The following CALD1 variants were observed in gnomAD, a reference collection of about 807,000 sequenced individuals.
CALD1 encodes caldesmon.
In CALD1, 33 loss-of-function variants were observed where a neutral mutation model predicts 99.9. The ratio of observed to expected loss-of-function variants is 0.33; its 90% confidence interval spans 0.25 to 0.44. CALD1 has a LOEUF of 0.44. CALD1 is among the 20% of genes least tolerant of loss of function. CALD1 has a pLI of 1.00. For synonymous variants in CALD1, 310 were observed against 325.0 expected (o/e 0.95, Z 0.50); for missense variants, 861 against 962.1 (o/e 0.89, Z 1.39).
At chr7:134,721,231 A>T in the CALD1 span, among the ~76,000 whole-genome samples, 1 of 151,438 alleles carries the variant, frequency 6.6e-6, no homozygotes, top group African/African-American at 2.4e-5. Context: ...TGGGAATAGG[A>T]TATTTTCAAG....
At chr7:134,809,703 T>A (rs891668151) in intron 1 of CALD1, 19 of 152,190 alleles carry the variant, frequency 1.2e-4, no homozygotes, top group Admixed American at 7.2e-4. Context: ...AAAAGAGAGG[T>A]TTAGGGTAGT....
intron 3 of CALD1, among the ~76,000 whole-genome samples, chr7:134,868,757 A>T (rs1800922915): frequency 6.6e-6 from 1 of 152,236 alleles, no homozygotes. Context: ...GCTGGCATTC[A>T]TGAACTGACT....
At chr7:134,935,621 G>A in intron 5 of CALD1, 67 bp from the exon 6 acceptor site, 2 of 1,540,198 alleles carry the variant, frequency 1.3e-6, no homozygotes, top group Non-Finnish European at 1.7e-6. Context: ...CGAGCACCCT[G>A]TCACTCTTGT....
At chr7:134,759,112 A>G (rs1261513120) in intron 1 of CALD1, among the ~76,000 whole-genome samples, 2 of 152,192 alleles carry the variant, frequency 1.3e-5, no homozygotes, top group Non-Finnish European at 2.9e-5. Flanking sequence ...CATGACCATC[A>G]CGTTTATAAA....
At position 134,968,620 on chromosome 7, in the gene CALD1, A is replaced by T. The variant is rs1469721881; in HGVS notation, c.*275A>T. On this transcript the variant is annotated 3_prime_UTR_variant, in exon 15 of 15. Transcript: ENST00000361675. ...TTTCTACTGATCATCATAACTCTGT[A>T]TCTGAGCAGTGATACCAACCACATC... The T allele has an allele frequency of 1.2e-5, 8 of 660,398 alleles. No individual in the cohort carries two copies. Among genetic ancestry groups the T allele is most frequent in the Non-Finnish European group, 1.7e-5 (6 of 358,030 alleles). The allele number at this position is 660,398 out of a possible 1,614,324, so 40.9% of individuals were successfully genotyped here. A position where few individuals can be genotyped will look rare whatever the true frequency, so the allele number is the denominator to read the frequency against.
chr7:134,937,789 A>T (rs568448130), intron 6 of CALD1, among the ~76,000 whole-genome samples: 1 of 152,342 alleles, frequency 6.6e-6, no homozygotes, highest in East Asian at 1.9e-4. Flanking sequence ...CCAATGTCTT[A>T]AAAAACACAC....
At chr7:134,938,136 A>G (rs1206366242) in intron 6 of CALD1, among the ~76,000 whole-genome samples, 2 of 152,232 alleles carry the variant, frequency 1.3e-5, no homozygotes, top group African/African-American at 2.4e-5. Context: ...TTGCAGTAGT[A>G]GCGAGGAGTC....
intron 1 of CALD1, among the ~76,000 whole-genome samples, chr7:134,839,089 C>T (rs1337099987): frequency 1.3e-5 from 2 of 152,154 alleles, no homozygotes; most frequent in African/African-American, 4.8e-5. Flanking sequence ...TCATGCCTTC[C>T]CCCACCCAGC....
intron 1 of CALD1, among the ~76,000 whole-genome samples, chr7:134,840,634 G>A (rs1431050327): frequency 6.6e-6 from 1 of 152,164 alleles, no homozygotes; most frequent in East Asian, 1.9e-4. Context: ...AAAATGTTGT[G>A]TAGAACTCAA....
chr7:134,725,947 C>T, the CALD1 span, among the ~76,000 whole-genome samples: 2 of 152,138 alleles, frequency 1.3e-5, no homozygotes, highest in African/African-American at 2.4e-5. Context: ...CTATGGGGTC[C>T]CCTGATGACA....
chr7:134,730,258 C>T, the CALD1 span, among the ~76,000 whole-genome samples: 2,656 of 142,916 alleles, frequency 0.019, 83 homozygotes, highest in African/African-American at 0.061. Context: ...ACAACATTCA[C>T]AGCGTTTGCC....
chr7:134,913,065 G>C (rs577156747), intron 3 of CALD1, among the ~76,000 whole-genome samples: 1 of 152,262 alleles, frequency 6.6e-6, no homozygotes, highest in South Asian at 2.1e-4. Flanking sequence ...GGGAGTTCAA[G>C]ACCAGCCTGA....
At chr7:134,820,478 T>C (rs186790934) in intron 1 of CALD1, among the ~76,000 whole-genome samples, 10 of 152,300 alleles carry the variant, frequency 6.6e-5, no homozygotes, top group African/African-American at 1.7e-4. Context: ...AAAGTCTAGA[T>C]GTTGGGTGAT....
intron 1 of CALD1, among the ~76,000 whole-genome samples, chr7:134,768,282 C>G (rs1478038052): frequency 6.6e-6 from 1 of 152,204 alleles, no homozygotes; most frequent in Non-Finnish European, 1.5e-5. Context: ...CATCAGTGCC[C>G]TTCTTCTTCC....
intron 1 of CALD1, among the ~76,000 whole-genome samples, chr7:134,767,236 A>T (rs1796835374): frequency 6.6e-6 from 1 of 151,810 alleles, no homozygotes; most frequent in African/African-American, 2.4e-5. Flanking sequence ...CGTGTGTGAC[A>T]TAAATCCATC....
intron 4 of CALD1, 101 bp downstream of exon 4, chr7:134,929,001 C>T: frequency 9.5e-7 from 1 of 1,050,750 alleles, no homozygotes; most frequent in Non-Finnish European, 1.4e-6. Context: ...CCCAACTCAA[C>T]CCTTTTTCAA....
chr7:134,770,527 T>C (rs907177703), intron 1 of CALD1, among the ~76,000 whole-genome samples: 2 of 152,092 alleles, frequency 1.3e-5, no homozygotes, highest in African/African-American at 4.8e-5. Flanking sequence ...GGTGTGTCGC[T>C]TCCATCCCTG....
rs570333339 is a variant in CALD1 at position 134,935,838 on chromosome 7, T to C, written c.1386+73T>C. 109 of 1,446,074 alleles carry C rather than the reference T, an allele frequency of 7.5e-5. No individual in the cohort carries two copies. In the African/African-American group the frequency reaches 1.5e-3, roughly 19 times the overall value. 89.6% of individuals were successfully genotyped at this position (1,446,074 alleles called of 1,614,324 possible). Reference sequence around the variant, plus strand: ...TCAGTGTTCCAAGATATCTCAGGTCTGATGATCTCAAAATTGTAACCTCAT... The same window carrying C: ...TCAGTGTTCCAAGATATCTCAGGTCCGATGATCTCAAAATTGTAACCTCAT... On this transcript the variant is annotated intron_variant, in intron 6 of 14. Coordinates refer to ENST00000361675, the MANE Select transcript of CALD1 (RefSeq NM_033138.4).
chr7:134,903,802 C>T (rs1417663078), intron 3 of CALD1, among the ~76,000 whole-genome samples: 1 of 152,074 alleles, frequency 6.6e-6, no homozygotes, highest in African/African-American at 2.4e-5. Context: ...CAAATAAGGC[C>T]ACATTCTAGG....
Sources: gnomAD v4.1 joint callset for allele counts (sites outside exome capture counted in the v4.1 genomes callset) on GRCh38, gnomAD v4.1.1 for gene constraint, MANE v1.5 for transcripts, NCBI Gene and HGNC (gene_info 2026-07-23, HGNC 2026-07-21) for gene names.